FRMD5: variants seen among roughly 807,000 people sequenced by gnomAD.
FRMD5 encodes the protein FERM domain-containing protein 5.
FRMD5 carries 20 observed loss-of-function variants against 69.0 expected under a neutral mutation model. The ratio of observed to expected loss-of-function variants is 0.29; its 90% CI spans 0.20 to 0.42. The LOEUF (loss-of-function observed/expected upper bound fraction) is 0.42. Among genes scored for constraint, FRMD5 ranks in the 10% least tolerant of loss-of-function variants. FRMD5 has a pLI of 1.00. For missense variants in FRMD5, 595 were observed against 708.6 expected, an observed-to-expected ratio of 0.84 and a Z score of 1.82; for synonymous variants, 271 against 260.1, an observed-to-expected ratio of 1.04 and a Z score of -0.40.
intron 1 of FRMD5, among the ~76,000 whole-genome samples, chr15:43,949,952 C>G (rs1007774303): frequency 2.0e-5 from 3 of 152,122 alleles, no homozygotes; most frequent in Non-Finnish European, 4.4e-5. Flanking sequence ...GATTCCAAGG[C>G]TTGGGAAGGG....
At chr15:43,905,043 C>T (rs1346713594) in intron 6 of FRMD5, among the ~76,000 whole-genome samples, 1 of 152,008 alleles carries the variant, frequency 6.6e-6, no homozygotes, top group African/African-American at 2.4e-5. Context: ...ATCAGCCCTG[C>T]GCACTCCATC....
chr15:44,089,642 G>T (rs2076443304), intron 1 of FRMD5, among the ~76,000 whole-genome samples: 1 of 152,078 alleles, frequency 6.6e-6, no homozygotes, highest in African/African-American at 2.4e-5. Context: ...TGCATAGCTT[G>T]CAGTGAGCCA....
At chr15:44,000,595 G>C (rs1051958007) in intron 1 of FRMD5, among the ~76,000 whole-genome samples, 1 of 151,994 alleles carries the variant, frequency 6.6e-6, no homozygotes, top group African/African-American at 2.4e-5. Flanking sequence ...GAGTAGCTGG[G>C]ATTATAGGCA....
intron 1 of FRMD5, among the ~76,000 whole-genome samples, chr15:44,141,987 C>T (rs2077280962): frequency 6.6e-6 from 1 of 152,102 alleles, no homozygotes; most frequent in African/African-American, 2.4e-5. Flanking sequence ...TTAAATTAGG[C>T]TTGTTGTCCT....
At chr15:43,929,929 G>A (rs2089647293) in intron 1 of FRMD5, among the ~76,000 whole-genome samples, 1 of 152,198 alleles carries the variant, frequency 6.6e-6, no homozygotes, top group Non-Finnish European at 1.5e-5. Flanking sequence ...GCACTTTAAT[G>A]TTACAGAGGA....
chr15:44,080,310 G>A (rs1465798880), intron 1 of FRMD5, among the ~76,000 whole-genome samples: 4 of 151,962 alleles, frequency 2.6e-5, no homozygotes, highest in African/African-American at 9.7e-5. Context: ...AGGGTTTGTA[G>A]GTATATGGGA....
At chr15:43,888,347 G>T in intron 9 of FRMD5, 81 bp from the exon 10 acceptor site, 1 of 923,018 alleles carries the variant, frequency 1.1e-6, no homozygotes, top group South Asian at 1.5e-5. Context: ...TGACCCCAGA[G>T]CTGTTAGAGG....
Position 43,945,070 on chromosome 15 carries a change from T to A in FRMD5, c.103-20761A>T, listed in dbSNP as rs2089923627. Among the ~76,000 whole-genome samples, 5 of 152,110 alleles carry A rather than the reference T, an allele frequency of 3.3e-5. No individual in the cohort carries two copies. In the South Asian group the frequency reaches 1.0e-3, roughly 32 times the overall value. ...CCAAAGTGCTGGGATTACAGGCATG[T>A]GCCATAGCGCCCGGCAGGTTTCTAT... is the stretch of plus-strand genomic sequence containing the variant. On this transcript the variant is annotated intron_variant, in intron 1 of 13. Transcript: ENST00000417257.
chr15:44,117,015 A>G (rs1335116252), intron 1 of FRMD5, among the ~76,000 whole-genome samples: 1 of 151,868 alleles, frequency 6.6e-6, no homozygotes, highest in African/African-American at 2.4e-5. Context: ...TGAGGCAGGA[A>G]AATCACTTGA....
At position 43,940,780 on chromosome 15, in the gene FRMD5, G is replaced by A. The variant is rs142095255; in HGVS notation, c.103-16471C>T. On this transcript the variant is annotated intron_variant, in intron 1 of 13. Coordinates refer to ENST00000417257, the MANE Select transcript of FRMD5 (RefSeq NM_032892.5). The stretch of plus-strand genomic sequence containing the variant: ...TTAAGTGACCAATTTGAAGAGGGGC[G>A]TGAATGAGAATTAGGAATGGAGGAT... Among the ~76,000 whole-genome samples the A allele has an allele frequency of 3.8e-4, 58 of 152,266 alleles. 2 individuals are homozygous for A. Among genetic ancestry groups the A allele is most frequent in the African/African-American group, 1.2e-3 (51 of 41,542 alleles).
intron 1 of FRMD5, among the ~76,000 whole-genome samples, chr15:43,954,119 C>G (rs1275224773): frequency 6.6e-6 from 1 of 152,162 alleles, no homozygotes; most frequent in Admixed American, 6.5e-5. Context: ...CCTGTCGATG[C>G]CCAGATTCAA....
intron 1 of FRMD5, among the ~76,000 whole-genome samples, chr15:43,987,101 C>T (rs1889431467): frequency 1.3e-5 from 2 of 152,150 alleles, no homozygotes; most frequent in Non-Finnish European, 2.9e-5. Flanking sequence ...TTCCCTCCCT[C>T]TCTTCAGGCT....
intron 1 of FRMD5, among the ~76,000 whole-genome samples, chr15:44,022,990 G>A (rs1891277817): frequency 6.6e-6 from 1 of 152,172 alleles, no homozygotes. Flanking sequence ...TTGGAAAAAA[G>A]CAATGGGGCA....
chr15:44,012,420 T>TTA lies in FRMD5; in HGVS notation c.103-88113_103-88112dup, dbSNP rs551902118. Reference sequence around the variant, plus strand: ...AAGCTTTCTTAGAACTTAAGTGTATTTAGCCATTTCAAGTCTATAGTAGAA... The same window carrying TTA: ...AAGCTTTCTTAGAACTTAAGTGTATTTATAGCCATTTCAAGTCTATAGTAGAA... On this transcript the variant is annotated intron_variant, in intron 1 of 13. Transcript: ENST00000417257. Among the ~76,000 whole-genome samples, 8 of 152,314 alleles carry TTA rather than the reference T, an allele frequency of 5.3e-5. 1 individual carries two copies. In the South Asian group the frequency reaches 1.7e-3, roughly 32 times the overall value.
At chr15:43,959,612 G>A (rs2090165387) in intron 1 of FRMD5, among the ~76,000 whole-genome samples, 2 of 152,124 alleles carry the variant, frequency 1.3e-5, no homozygotes, top group African/African-American at 4.8e-5. Flanking sequence ...TACATCCCTA[G>A]ACCAGATGAT....
intron 1 of FRMD5, among the ~76,000 whole-genome samples, chr15:43,988,457 G>GA (rs1176508441): frequency 4.0e-5 from 6 of 151,154 alleles, no homozygotes; most frequent in Non-Finnish European, 7.4e-5. Flanking sequence ...CAGTATAGTG[G>GA]AAACATAAGT....
rs58833260 is a variant in FRMD5, at chr15:43,925,003, C to CTT, written c.103-696_103-695dup. The stretch of plus-strand genomic sequence containing the variant: ...AACTGTTATCAGCTTCTTGTATATC[C>CTT]TTTTTTTTTTTTTTTTTTTGAGATG... On this transcript the variant is annotated intron_variant, in intron 1 of 13. Transcript: ENST00000417257. Among the ~76,000 whole-genome samples, 165 of 128,988 alleles carry CTT rather than the reference C, an allele frequency of 1.3e-3. 2 individuals are homozygous for CTT. Among genetic ancestry groups the CTT allele is most frequent in the Middle Eastern group, 4.1e-3 (1 of 246 alleles). 84.6% of individuals were successfully genotyped at this position (128,988 alleles called of 152,430 possible). A position where few individuals can be genotyped will look rare whatever the true frequency, so the allele number is the denominator to read the frequency against.
At chr15:43,953,210 T>C (rs2090063628) in intron 1 of FRMD5, among the ~76,000 whole-genome samples, 1 of 152,228 alleles carries the variant, frequency 6.6e-6, no homozygotes, top group Non-Finnish European at 1.5e-5. Context: ...AGCATAGTCT[T>C]GGTATCTGCT....
chr15:44,111,119 CTTATTT>C (rs1346435670), intron 1 of FRMD5, among the ~76,000 whole-genome samples: 1 of 152,110 alleles, frequency 6.6e-6, no homozygotes, highest in Non-Finnish European at 1.5e-5. Context: ...TCTTTCCTTT[CTTATTT>C]TAACTCTCAT....
Sources: allele counts gnomAD v4.1 joint callset (sites outside exome capture counted in the v4.1 genomes callset), GRCh38; gene constraint gnomAD v4.1.1; transcripts MANE v1.5; gene names NCBI Gene and HGNC (gene_info 2026-07-23, HGNC 2026-07-21).